CFAP47: variants seen among roughly 807,000 people sequenced by gnomAD.
CFAP47 encodes cilia and flagella associated protein 47, also known as cilia- and flagella-associated protein 47.
CFAP47 carries 29 observed loss-of-function variants against 148.1 expected under a neutral mutation model. That is an observed-to-expected ratio of 0.20 (90% confidence interval 0.15 to 0.27). The LOEUF (loss-of-function observed/expected upper bound fraction) is 0.27, where lower values mean the gene tolerates loss of function less well. Among genes scored for constraint, CFAP47 ranks in the 10% least tolerant of loss-of-function variants. CFAP47 has a pLI of 1.00. For synonymous variants in CFAP47, 664 were observed against 577.3 expected (o/e 1.15, Z -2.15); for missense variants, 1,872 against 1,697.5 (o/e 1.10, Z -1.81).
chrX:35,972,086 A>C (rs772416120), intron 13 of CFAP47, 121 bp downstream of exon 13: 1 of 466,970 alleles, frequency 2.1e-6, no homozygotes, highest in South Asian at 4.0e-5. Context: ...AAATATAAGA[A>C]GTCCTCAGAG....
At chrX:35,924,032 C>CATGCGT (rs1935645954) in intron 1 of CFAP47, among the ~76,000 whole-genome samples, 1 of 95,454 alleles carries the variant, frequency 1.0e-5, no homozygotes, top group African/African-American at 4.3e-5. Context: ...CATATATATG[C>CATGCGT]ACATATATGT....
Position 35,941,374 on chromosome X carries a change from A to G in CFAP47, c.493A>G (p.Ile165Val), listed in dbSNP as rs999412504. The G allele has an allele frequency of 2.7e-6, 3 of 1,103,704 alleles. No homozygotes were observed. The highest frequency in any genetic ancestry group is 6.7e-5 in the East Asian group (2 of 30,062). The allele number at this position is 1,103,704 out of a possible 1,213,427, so 91.0% of individuals were successfully genotyped here. ...TAAAGTATATTCTAAAGAGATTACT[A>G]TCACTAACCATGGCAAAGCTCCAGG... ...NSKVYSKEIT[I>V]TNHGKAPGIF... Residue 165 changes from isoleucine (I) to valine (V), a missense_variant, in exon 3 of 64, where the codon ATC (isoleucine) becomes GTC (valine). Transcript: ENST00000378653.
chrX:36,061,525 CA>C (rs763959007), intron 26 of CFAP47, among the ~76,000 whole-genome samples: 4 of 111,956 alleles, frequency 3.6e-5, no homozygotes, highest in South Asian at 3.7e-4. Context: ...TTTGTCCCAT[CA>C]ATTGACTTAA....
intron 13 of CFAP47, among the ~76,000 whole-genome samples, chrX:35,974,613 C>G (rs1323198785): frequency 4.5e-5 from 5 of 111,722 alleles, no homozygotes; most frequent in Non-Finnish European, 9.4e-5. Flanking sequence ...TATACGAACA[C>G]TAATGAAATT....
At chrX:36,371,867 C>T (rs1474798434) in intron 62 of CFAP47, among the ~76,000 whole-genome samples, 1 of 74,300 alleles carries the variant, frequency 1.3e-5, no homozygotes, top group Non-Finnish European at 2.5e-5. Context: ...TGCATATACA[C>T]ACATGTGTAT....
chrX:36,281,567 A>G (rs186999397), intron 50 of CFAP47, among the ~76,000 whole-genome samples: 157 of 112,542 alleles, frequency 1.4e-3, no homozygotes, highest in Non-Finnish European at 2.2e-3. Context: ...GAGGAACACC[A>G]GTGGTTGCAC....
chrX:35,930,490 G>A (rs772513567), intron 2 of CFAP47, among the ~76,000 whole-genome samples: 22 of 110,898 alleles, frequency 2.0e-4, no homozygotes, highest in Non-Finnish European at 3.6e-4. Context: ...TGGAAATGCT[G>A]CGTCTTCTAT....
Position 36,149,196 on chromosome X carries a change from A to G in CFAP47, c.5759A>G (p.Lys1920Arg), listed in dbSNP as rs1939274764. 1 of 294,260 alleles carries G rather than the reference A, an allele frequency of 3.4e-6. No homozygotes were observed. Among genetic ancestry groups the G allele is most frequent in the African/African-American group, 2.8e-5 (1 of 36,138 alleles). The allele number at this position is 294,260 out of a possible 1,213,427, so 24.3% of individuals were successfully genotyped here. The stretch of plus-strand genomic sequence containing the variant: ...GCTGCTGACTTCTCCCTTTCCCAAA[A>G]AGGGAATGTTGTGACAATTTCTCCA... Reference protein sequence around the residue: ...RDAADFSLSQKGNVVTISPRN... With the variant: ...RDAADFSLSQRGNVVTISPRN... The change falls in exon 37 of 64, where the codon AAA (lysine) becomes AGA (arginine). Residue 1920 changes from lysine (K) to arginine (R), a missense_variant. Coordinates refer to ENST00000378653, the MANE Select transcript of CFAP47 (RefSeq NM_001304548.2).
At chrX:35,951,399 T>G in intron 5 of CFAP47, 40 bp downstream of exon 5, 2 of 844,856 alleles carry the variant, frequency 2.4e-6, no homozygotes, top group South Asian at 4.8e-5. Flanking sequence ...ATATTATGAC[T>G]TAAAAGAGAT....
chrX:36,268,228 ATG>A (rs1482803885), intron 49 of CFAP47, among the ~76,000 whole-genome samples: 1 of 113,668 alleles, frequency 8.8e-6, no homozygotes, highest in Admixed American at 9.2e-5. Flanking sequence ...AGAAGAAGCA[ATG>A]CATTTTCAAA....
chrX:35,977,964 T>G (rs1423730017), intron 15 of CFAP47, among the ~76,000 whole-genome samples: 5 of 111,967 alleles, frequency 4.5e-5, no homozygotes. Context: ...ACATCATAAT[T>G]TGTTAAGTAT....
intron 57 of CFAP47, among the ~76,000 whole-genome samples, chrX:36,340,302 G>A (rs1941641809): frequency 9.0e-6 from 1 of 111,621 alleles, no homozygotes; most frequent in Admixed American, 9.5e-5. Flanking sequence ...ATCTCTGTAA[G>A]GAAATTTAAT....
intron 24 of CFAP47, among the ~76,000 whole-genome samples, chrX:36,038,048 A>G (rs1042766263): frequency 4.5e-5 from 5 of 111,378 alleles, no homozygotes; most frequent in African/African-American, 1.6e-4. Context: ...TACTTACTTG[A>G]TCAGGTAAAG....
chrX:36,039,156 C>T lies in CFAP47; in HGVS notation c.3984C>T (p.Asn1328=). 1 of 1,060,728 alleles carries T rather than the reference C, an allele frequency of 9.4e-7. No individual in the cohort carries two copies. Among genetic ancestry groups the T allele is most frequent in the Non-Finnish European group, 1.3e-6 (1 of 794,953 alleles). The allele number at this position is 1,060,728 out of a possible 1,213,427, so 87.4% of individuals were successfully genotyped here. Residue 1328 remains asparagine (N), a synonymous_variant, in exon 25 of 64, where the codon AAC becomes AAT. Coordinates refer to ENST00000378653, the MANE Select transcript of CFAP47 (RefSeq NM_001304548.2). The stretch of plus-strand genomic sequence containing the variant: ...ATATAACAACTGTAATGGATATCAA[C>T]ATTTTACCTCAAAACTATTTCAGGT... ...PLDITTVMDI[N]ILPQNYFRNS... is the part of the protein sequence containing the mutation.
chrX:36,167,290 A>C (rs1007041557), intron 39 of CFAP47, among the ~76,000 whole-genome samples: 5 of 111,653 alleles, frequency 4.5e-5, no homozygotes, highest in African/African-American at 6.5e-5. Flanking sequence ...ATTCATTTTA[A>C]AGCCCGCTTC....
rs137975595 is a variant in CFAP47, at chrX:35,953,715, C to G, written c.1170C>G (p.Ile390Met). 357 of 1,176,762 alleles carry G rather than the reference C, an allele frequency of 3.0e-4. 1 individual carries two copies. The highest frequency in any genetic ancestry group is 6.2e-4 in the Admixed American group (26 of 42,239). The change falls in exon 7 of 64, where the codon ATC (isoleucine) becomes ATG (methionine). Residue 390 changes from isoleucine (I) to methionine (M), a missense_variant. Physicochemically the swap from Ile to Met is conservative, Grantham distance 10. Coordinates refer to ENST00000378653, the MANE Select transcript of CFAP47 (RefSeq NM_001304548.2). ...GFLRDDDYKT[I>M]KSERFQKVEL... is the part of the protein sequence containing the mutation. ...TGAGAGATGATGACTATAAAACCAT[C>G]AAAAGTAAGTGTGAAATTAACAAAA...
intron 2 of CFAP47, among the ~76,000 whole-genome samples, chrX:35,938,498 GT>G (rs200438423): frequency 2.8e-4 from 31 of 109,497 alleles, no homozygotes; most frequent in African/African-American, 9.2e-4. Context: ...AGTTTGACGA[GT>G]TTTTTTTTAA....
chrX:36,136,213 A>C (rs1311699800), intron 33 of CFAP47, among the ~76,000 whole-genome samples: 1 of 108,854 alleles, frequency 9.2e-6, no homozygotes, highest in Admixed American at 1.0e-4. Flanking sequence ...TTGTTGCTGT[A>C]TTGTTATGTA....
rs1345843017 is a variant in CFAP47, at chrX:36,299,251, G to A, written c.7862+99G>A. The A allele has an allele frequency of 6.0e-6, 3 of 496,137 alleles. No individual in the cohort carries two copies. In the African/African-American group the frequency reaches 7.5e-5, roughly 12 times the overall value. 40.9% of individuals were successfully genotyped at this position (496,137 alleles called of 1,213,427 possible). ...TACTATAATCATTAAAATTACACTT[G>A]CTCATAGTTTTAACTTTGTTTAATA... is the stretch of plus-strand genomic sequence containing the variant. On this transcript the variant is annotated intron_variant, in intron 52 of 63. Transcript: ENST00000378653.
Sources: allele counts gnomAD v4.1 joint callset (sites outside exome capture counted in the v4.1 genomes callset), GRCh38; gene constraint gnomAD v4.1.1; transcripts MANE v1.5; gene names NCBI Gene and HGNC (gene_info 2026-07-23, HGNC 2026-07-21).